Variants in KCND2 observed in about 807,000 individuals in gnomAD.
KCND2 encodes the protein potassium voltage-gated channel subfamily D member 2.
In KCND2, 16 loss-of-function variants were observed where a neutral mutation model predicts 54.4. That is an observed-to-expected ratio of 0.29 (90% CI 0.20 to 0.45). The LOEUF is 0.45. KCND2 is among the 20% of genes least tolerant of loss of function. KCND2 has a pLI of 1.00. For synonymous variants in KCND2, 317 were observed against 310.7 expected (o/e 1.02, Z -0.21); for missense variants, 486 against 824.2 (o/e 0.59, Z 5.02).
intron 1 of KCND2, among the ~76,000 whole-genome samples, chr7:120,411,136 G>A (rs1801444410): frequency 6.6e-6 from 1 of 151,930 alleles, no homozygotes; most frequent in South Asian, 2.1e-4. Flanking sequence ...CATTCTTACA[G>A]CAATGTTTTG....
chr7:120,454,464 A>G (rs1222040564), intron 1 of KCND2, among the ~76,000 whole-genome samples: 1 of 152,208 alleles, frequency 6.6e-6, no homozygotes, highest in African/African-American at 2.4e-5. Context: ...GGAAACGGAT[A>G]AACATCTAAA....
intron 1 of KCND2, among the ~76,000 whole-genome samples, chr7:120,326,436 C>G (rs1799979620): frequency 6.6e-6 from 1 of 152,000 alleles, no homozygotes; most frequent in African/African-American, 2.4e-5. Flanking sequence ...TCATAATAAT[C>G]TATTTTTAAG....
intron 1 of KCND2, among the ~76,000 whole-genome samples, chr7:120,393,657 G>A (rs1384395849): frequency 6.6e-6 from 1 of 151,868 alleles, no homozygotes; most frequent in African/African-American, 2.4e-5. Context: ...GAGATTTCAG[G>A]CTGATCAGTT....
At chr7:120,675,724 A>G (rs147292716) in intron 1 of KCND2, among the ~76,000 whole-genome samples, 69 of 152,260 alleles carry the variant, frequency 4.5e-4, no homozygotes, top group Middle Eastern at 3.4e-3. Flanking sequence ...CTCTCAGGTT[A>G]TTATGCTTGC....
intron 1 of KCND2, among the ~76,000 whole-genome samples, chr7:120,390,601 A>G (rs1393134723): frequency 6.6e-6 from 1 of 152,028 alleles, no homozygotes; most frequent in Non-Finnish European, 1.5e-5. Flanking sequence ...TCTCCCATCA[A>G]AAGTTATGTT....
chr7:120,298,745 T>G (rs1249300059), intron 1 of KCND2, among the ~76,000 whole-genome samples: 1 of 152,230 alleles, frequency 6.6e-6, no homozygotes, highest in African/African-American at 2.4e-5. Context: ...AAAATCCATT[T>G]TTCTTCTACT....
At chr7:120,420,909 C>A (rs548562346) in intron 1 of KCND2, among the ~76,000 whole-genome samples, 1 of 152,126 alleles carries the variant, frequency 6.6e-6, no homozygotes, top group African/African-American at 2.4e-5. Flanking sequence ...GTGACATCGG[C>A]AGAGACTTGT....
intron 1 of KCND2, among the ~76,000 whole-genome samples, chr7:120,540,606 A>G (rs1356645007): frequency 6.6e-6 from 1 of 152,226 alleles, no homozygotes. Flanking sequence ...TTGTATATGC[A>G]GTGATGCTCA....
At chr7:120,344,581 C>T (rs1800287120) in intron 1 of KCND2, among the ~76,000 whole-genome samples, 1 of 152,122 alleles carries the variant, frequency 6.6e-6, no homozygotes, top group Admixed American at 6.5e-5. Context: ...AATAGTACCA[C>T]ATTAATCGTA....
At chr7:120,700,998 C>T (rs1430643354) in intron 1 of KCND2, among the ~76,000 whole-genome samples, 4 of 152,066 alleles carry the variant, frequency 2.6e-5, no homozygotes, top group Non-Finnish European at 5.9e-5. Flanking sequence ...TACTCTCCTA[C>T]CCTCAGGGTG....
At chr7:120,453,966 C>T (rs1474629205) in intron 1 of KCND2, among the ~76,000 whole-genome samples, 1 of 152,128 alleles carries the variant, frequency 6.6e-6, no homozygotes, top group Non-Finnish European at 1.5e-5. Flanking sequence ...TGCCTGTAGT[C>T]CCAGCTACTC....
intron 1 of KCND2, among the ~76,000 whole-genome samples, chr7:120,428,650 T>TCAA (rs1031104300): frequency 6.6e-6 from 1 of 152,198 alleles, no homozygotes; most frequent in African/African-American, 2.4e-5. Context: ...TATACTAAGG[T>TCAA]CAATACTAAA....
At chr7:120,467,133 T>A (rs368099944) in intron 1 of KCND2, among the ~76,000 whole-genome samples, 1 of 152,138 alleles carries the variant, frequency 6.6e-6, no homozygotes, top group African/African-American at 2.4e-5. Flanking sequence ...GATGTGAACA[T>A]CTTTCGGGGA....
chr7:120,588,604 C>G (rs888244246), intron 1 of KCND2, among the ~76,000 whole-genome samples: 1 of 152,086 alleles, frequency 6.6e-6, no homozygotes, highest in African/African-American at 2.4e-5. Flanking sequence ...AAACTCGATT[C>G]TGTTTCACAG....
intron 2 of KCND2, among the ~76,000 whole-genome samples, chr7:120,733,547 C>A (rs1010376904): frequency 6.6e-6 from 1 of 152,014 alleles, no homozygotes; most frequent in Non-Finnish European, 1.5e-5. Flanking sequence ...AAATCAGAAA[C>A]AGATTCTTGG....
intron 1 of KCND2, among the ~76,000 whole-genome samples, chr7:120,717,881 C>G (rs563099340): frequency 6.6e-6 from 1 of 152,202 alleles, no homozygotes; most frequent in Non-Finnish European, 1.5e-5. Context: ...GTTTGTCTCT[C>G]TCTCCTAGAG....
At chr7:120,321,315 G>T (rs952896827) in intron 1 of KCND2, among the ~76,000 whole-genome samples, 12 of 151,736 alleles carry the variant, frequency 7.9e-5, no homozygotes, top group African/African-American at 2.9e-4. Context: ...ATTTTGTTTT[G>T]TTTTGTTTTT....
chr7:120,527,176 A>C (rs1052257768), intron 1 of KCND2, among the ~76,000 whole-genome samples: 5 of 152,124 alleles, frequency 3.3e-5, no homozygotes, highest in Admixed American at 1.3e-4. Flanking sequence ...CTGGGAACTG[A>C]GGGAAATGAT....
chr7:120,612,332 C>T (rs999051682), intron 1 of KCND2, among the ~76,000 whole-genome samples: 1 of 152,184 alleles, frequency 6.6e-6, no homozygotes, highest in Non-Finnish European at 1.5e-5. Flanking sequence ...GGTTCCATAG[C>T]TGTGTCTCCT....
Sources: allele counts gnomAD v4.1 joint callset (sites outside exome capture counted in the v4.1 genomes callset), GRCh38; gene constraint gnomAD v4.1.1; transcripts MANE v1.5; gene names NCBI Gene and HGNC (gene_info 2026-07-23, HGNC 2026-07-21).